Variants in FOXP1 observed in about 807,000 individuals in gnomAD.
FOXP1 encodes the protein forkhead box P1.
A neutral mutation model predicts 98.2 loss-of-function variants in FOXP1; 15 were observed. The observed-to-expected ratio is 0.15, with a 90% confidence interval of 0.10 to 0.24. The LOEUF (loss-of-function observed/expected upper bound fraction) is 0.24. FOXP1 is among the 10% of genes least tolerant of loss of function. The probability of loss-of-function intolerance (pLI) is 1.00; values close to 1 mark genes in which losing one functional copy is unlikely to be tolerated. For synonymous variants in FOXP1, 371 were observed against 314.5 expected, an observed-to-expected ratio of 1.18 and a Z score of -1.90; for missense variants, 633 against 848.5, an observed-to-expected ratio of 0.75 and a Z score of 3.15.
rs6766767 is a variant in FOXP1, at chr3:71,530,822, C to T, written c.-297-37267G>A. Among the ~76,000 whole-genome samples, 115 of 152,234 alleles carry T rather than the reference C, an allele frequency of 7.6e-4. 1 individual carries two copies. The highest frequency in any genetic ancestry group is 2.5e-3 in the African/African-American group (105 of 41,520). The stretch of plus-strand genomic sequence containing the variant: ...ACAAAATTAGGATTTGAACCCAGGG[C>T]CATGTGACTACAGCCTGTATGGAGG... On this transcript the variant is annotated intron_variant, in intron 2 of 20. Coordinates refer to ENST00000649528, the MANE Select transcript of FOXP1 (RefSeq NM_001349338.3).
rs2073939621 is a variant in FOXP1, at chr3:71,302,559, T to G, written c.-72-2679A>C. Among the ~76,000 whole-genome samples, 3 of 149,526 alleles carry G rather than the reference T, an allele frequency of 2.0e-5. No homozygotes were observed. The East Asian group carries it at 6.0e-4, about 30-fold the overall frequency. Reference sequence around the variant, plus strand: ...TAAAGATAAAAGAAATACATTCCCCTCCAGCCCACTTGTCTTCTTTTAAAA... The same window carrying G: ...TAAAGATAAAAGAAATACATTCCCCGCCAGCCCACTTGTCTTCTTTTAAAA... On this transcript the variant is annotated intron_variant, in intron 4 of 20. Coordinates refer to ENST00000649528, the MANE Select transcript of FOXP1 (RefSeq NM_001349338.3).
At chr3:71,515,277 A>G (rs1427405496) in intron 2 of FOXP1, among the ~76,000 whole-genome samples, 1 of 152,058 alleles carries the variant, frequency 6.6e-6, no homozygotes, top group Non-Finnish European at 1.5e-5. Flanking sequence ...GAAAGCTGCT[A>G]TGTGGACCAG....
chr3:71,544,343 T>C (rs2045176112), intron 2 of FOXP1, among the ~76,000 whole-genome samples: 2 of 151,270 alleles, frequency 1.3e-5, no homozygotes, highest in South Asian at 4.2e-4. Flanking sequence ...ACTTTGACTT[T>C]TTAAAAAGAT....
At chr3:71,272,670 G>A (rs1206566700) in intron 5 of FOXP1, among the ~76,000 whole-genome samples, 1 of 151,218 alleles carries the variant, frequency 6.6e-6, no homozygotes, top group Non-Finnish European at 1.5e-5. Flanking sequence ...ACCCTTTAAT[G>A]TCACTGGGCT....
At chr3:71,275,993 C>T (rs376589537) in intron 5 of FOXP1, 1 of 152,218 alleles carries the variant, frequency 6.6e-6, no homozygotes, top group East Asian at 1.9e-4. Flanking sequence ...AGTTAAGCCA[C>T]GCTAATTTGC....
intron 7 of FOXP1, among the ~76,000 whole-genome samples, chr3:71,070,459 A>ATATT (rs1475670012): frequency 2.6e-5 from 4 of 152,228 alleles, no homozygotes; most frequent in African/African-American, 9.6e-5. Flanking sequence ...ACGATACAGT[A>ATATT]TATTTGGCTG....
chr3:71,530,498 T>A (rs186350058), intron 2 of FOXP1, among the ~76,000 whole-genome samples: 42 of 152,294 alleles, frequency 2.8e-4, no homozygotes, highest in African/African-American at 9.9e-4. Flanking sequence ...ACCAAGACAG[T>A]TGGTGTGAAA....
chr3:71,512,350 A>G (rs2107334621), intron 2 of FOXP1, among the ~76,000 whole-genome samples: 1 of 152,200 alleles, frequency 6.6e-6, no homozygotes, highest in Non-Finnish European at 1.5e-5. Context: ...GAGCAGACAC[A>G]CCCTGTAAGC....
At chr3:71,481,774 C>G (rs1436519363) in intron 3 of FOXP1, among the ~76,000 whole-genome samples, 1 of 152,118 alleles carries the variant, frequency 6.6e-6, no homozygotes, top group African/African-American at 2.4e-5. Flanking sequence ...ACACCCATTT[C>G]ATTTCTACTT....
intron 5 of FOXP1, among the ~76,000 whole-genome samples, chr3:71,235,359 GA>G (rs1391570931): frequency 1.3e-5 from 2 of 152,060 alleles, no homozygotes; most frequent in Admixed American, 6.6e-5. Flanking sequence ...GAAACCTCTA[GA>G]AAAAAATTAA....
At chr3:70,987,220 C>T (rs775890006) in intron 14 of FOXP1, among the ~76,000 whole-genome samples, 17 of 151,318 alleles carry the variant, frequency 1.1e-4, no homozygotes, top group East Asian at 2.0e-4. Flanking sequence ...ATTTTAGAAA[C>T]GTAAGAGGAA....
chr3:71,266,672 C>T (rs888702196), intron 5 of FOXP1, among the ~76,000 whole-genome samples: 5 of 151,938 alleles, frequency 3.3e-5, no homozygotes, highest in African/African-American at 1.2e-4. Context: ...TCTAGTGAAC[C>T]CACTGCCCAA....
intron 3 of FOXP1, among the ~76,000 whole-genome samples, chr3:71,420,988 C>T (rs2083597881): frequency 6.6e-6 from 1 of 151,860 alleles, no homozygotes; most frequent in Non-Finnish European, 1.5e-5. Context: ...TCACGGACTA[C>T]AAGTTTTTTT....
At chr3:71,031,239 C>T (rs775910753) in intron 11 of FOXP1, among the ~76,000 whole-genome samples, 4 of 152,042 alleles carry the variant, frequency 2.6e-5, no homozygotes, top group African/African-American at 9.7e-5. Flanking sequence ...GTAAAAAAAG[C>T]AATGGAGAGA....
chr3:71,576,003 T>A (rs2047692760), intron 2 of FOXP1, among the ~76,000 whole-genome samples: 1 of 152,214 alleles, frequency 6.6e-6, no homozygotes, highest in Admixed American at 6.5e-5. Flanking sequence ...AAGTAATAAA[T>A]AAATATATGT....
intron 12 of FOXP1, among the ~76,000 whole-genome samples, chr3:71,011,405 A>G (rs1362549658): frequency 2.6e-5 from 4 of 152,050 alleles, no homozygotes; most frequent in African/African-American, 9.7e-5. Flanking sequence ...GGCTACATGG[A>G]AAGAGATACT....
chr3:71,199,365 G>A (rs1053779595), intron 5 of FOXP1, among the ~76,000 whole-genome samples: 2 of 151,512 alleles, frequency 1.3e-5, no homozygotes, highest in Middle Eastern at 3.4e-3. Flanking sequence ...TCGGCCTCCC[G>A]AAGTGCTGGG....
chr3:71,369,825 C>T (rs1326696595), intron 3 of FOXP1, among the ~76,000 whole-genome samples: 1 of 152,166 alleles, frequency 6.6e-6, no homozygotes, highest in Non-Finnish European at 1.5e-5. Context: ...TTTCTCAGTA[C>T]CACCACATGC....
intron 3 of FOXP1, among the ~76,000 whole-genome samples, chr3:71,382,297 A>G (rs923698211): frequency 6.6e-5 from 10 of 152,122 alleles, no homozygotes; most frequent in African/African-American, 1.9e-4. Flanking sequence ...TGGGGAGGAA[A>G]AAAAAACAGG....
Sources: allele counts gnomAD v4.1 joint callset (sites outside exome capture counted in the v4.1 genomes callset), GRCh38; gene constraint gnomAD v4.1.1; transcripts MANE v1.5; gene names NCBI Gene and HGNC (gene_info 2026-07-23, HGNC 2026-07-21).